Variants in RAPGEF4 observed in about 807,000 individuals in gnomAD.
RAPGEF4 encodes the protein Rap guanine nucleotide exchange factor 4.
In RAPGEF4, 66 loss-of-function variants were observed where a neutral mutation model predicts 147.9. The ratio of observed to expected loss-of-function variants is 0.45; its 90% CI spans 0.37 to 0.55. The LOEUF is 0.55. Ranked by LOEUF, RAPGEF4 falls within the 20% of genes least tolerant of loss-of-function variation. The probability of loss-of-function intolerance (pLI) is 0.00; values close to 1 mark genes in which losing one functional copy is unlikely to be tolerated. For synonymous variants in RAPGEF4, 419 were observed against 442.7 expected (o/e 0.95, Z 0.67); for missense variants, 1,071 against 1,257.3 (o/e 0.85, Z 2.24).
At chr2:172,897,947 G>A (rs1480619540) in intron 4 of RAPGEF4, among the ~76,000 whole-genome samples, 4 of 152,034 alleles carry the variant, frequency 2.6e-5, no homozygotes, top group Admixed American at 2.0e-4. Flanking sequence ...ACAAGGTTAG[G>A]GGTAAGAAGT....
chr2:172,893,951 G>A (rs942700365), intron 4 of RAPGEF4: 1 of 152,786 alleles, frequency 6.5e-6, no homozygotes, highest in Non-Finnish European at 1.5e-5. Flanking sequence ...TTAGATCCAA[G>A]CTAGCAGAAA....
intron 1 of RAPGEF4, among the ~76,000 whole-genome samples, chr2:172,762,750 C>T (rs527924599): frequency 5.9e-5 from 9 of 152,188 alleles, no homozygotes; most frequent in South Asian, 2.1e-4. Context: ...ATAGGAATCA[C>T]GTGGTGTAAC....
chr2:172,785,482 G>A (rs1025546209), intron 1 of RAPGEF4, among the ~76,000 whole-genome samples: 1 of 152,084 alleles, frequency 6.6e-6, no homozygotes, highest in Admixed American at 6.5e-5. Context: ...CATTATCTCA[G>A]ATTTGACAGT....
chr2:173,049,549 G>A (rs1685942237), intron 30 of RAPGEF4, among the ~76,000 whole-genome samples: 3 of 152,222 alleles, frequency 2.0e-5, no homozygotes, highest in South Asian at 2.1e-4. Flanking sequence ...AGACTATGAT[G>A]TTCTTGTTTT....
rs78011476 is a variant in RAPGEF4, at chr2:172,776,130, T to C, written c.66-18895T>C. 2.2e-3 allele frequency among the ~76,000 whole-genome samples: 336 copies of C among 152,326 alleles called. 3 individuals are homozygous for C. The highest frequency in any genetic ancestry group is 0.019 in the East Asian group (100 of 5,190). ...TTTATTTATTGGTTTAATATGTAAC[T>C]CCTCTTAGAACATAGATTTTTCTAA... On this transcript the variant is annotated intron_variant, in intron 1 of 30. Transcript: ENST00000397081.
chr2:173,017,303 G>A (rs1248193221), intron 20 of RAPGEF4, 99 bp downstream of exon 20: 1 of 1,495,594 alleles, frequency 6.7e-7, no homozygotes, highest in South Asian at 1.1e-5. Context: ...TTTCTTTTTT[G>A]TAGACGTGAA....
chr2:173,020,764 G>A, intron 23 of RAPGEF4, 49 bp downstream of exon 23: 2 of 1,458,198 alleles, frequency 1.4e-6, no homozygotes, highest in Non-Finnish European at 1.9e-6. Flanking sequence ...AGAAAAACTT[G>A]TCTGGAGCCT....
intron 1 of RAPGEF4, among the ~76,000 whole-genome samples, chr2:172,750,246 C>T (rs1433545357): frequency 6.6e-6 from 1 of 151,876 alleles, no homozygotes; most frequent in African/African-American, 2.4e-5. Context: ...GTTTATGCTG[C>T]TGATAAAGAC....
intron 6 of RAPGEF4, among the ~76,000 whole-genome samples, chr2:172,936,297 G>A (rs967678908): frequency 1.3e-5 from 2 of 152,236 alleles, no homozygotes; most frequent in East Asian, 1.9e-4. Context: ...AACCCGGGAG[G>A]CAGAGGTTGT....
chr2:172,850,655 A>C, intron 4 of RAPGEF4, among the ~76,000 whole-genome samples: 1 of 152,300 alleles, frequency 6.6e-6, no homozygotes, highest in South Asian at 2.1e-4. Context: ...TTAAAATGCA[A>C]GTAAATTTTA....
chr2:173,035,427 C>T (rs1044067018), intron 27 of RAPGEF4, among the ~76,000 whole-genome samples: 3 of 150,666 alleles, frequency 2.0e-5, no homozygotes, highest in Admixed American at 6.6e-5. Context: ...AGGAGAATGG[C>T]GTGAACTCGG....
rs536949295 is a variant in RAPGEF4, at chr2:172,806,693, A to G, written c.298-7586A>G. On this transcript the variant is annotated intron_variant, in intron 3 of 30. Transcript: ENST00000397081. ...ATGTTGTTCAGCCATTTCATGGATCAGAGAATCCGGGCTACACTTGGCCTT... is the reference window on the plus strand; with the variant it reads ...ATGTTGTTCAGCCATTTCATGGATCGGAGAATCCGGGCTACACTTGGCCTT... Among the ~76,000 whole-genome samples, 116 of 152,358 alleles carry G rather than the reference A, an allele frequency of 7.6e-4. 1 individual carries two copies. In the Middle Eastern group the frequency reaches 0.01, roughly 13 times the overall value.
At chr2:172,935,335 T>C (rs1686444798) in intron 6 of RAPGEF4, among the ~76,000 whole-genome samples, 1 of 151,950 alleles carries the variant, frequency 6.6e-6, no homozygotes, top group Admixed American at 6.6e-5. Flanking sequence ...TGAGGGAGCA[T>C]AGGGGAAGGA....
chr2:172,884,798 A>T (rs573994122), intron 4 of RAPGEF4, among the ~76,000 whole-genome samples: 1 of 152,354 alleles, frequency 6.6e-6, no homozygotes, highest in South Asian at 2.1e-4. Flanking sequence ...CATATGCAAC[A>T]TACTTCAGTT....
chr2:173,017,522 A>G lies in RAPGEF4; in HGVS notation c.2008+18A>G. ...TGATGAAGGTGAGAACCCTCTTCCA[A>G]CTAACTCGTAGTTGTATAGATTATT... is the stretch of plus-strand genomic sequence containing the variant. On this transcript the variant is annotated intron_variant, in intron 21 of 30. Coordinates refer to ENST00000397081, the MANE Select transcript of RAPGEF4 (RefSeq NM_007023.4). 1 of 1,597,054 alleles carries G rather than the reference A, an allele frequency of 6.3e-7. No homozygotes were observed. Among genetic ancestry groups the G allele is most frequent in the South Asian group, 1.1e-5 (1 of 90,726 alleles).
At chr2:172,935,863 A>C (rs1034515526) in intron 6 of RAPGEF4, among the ~76,000 whole-genome samples, 3 of 152,212 alleles carry the variant, frequency 2.0e-5, no homozygotes, top group African/African-American at 7.2e-5. Context: ...CTAGAATATT[A>C]CAGGAATTCT....
chr2:173,039,449 C>A (rs1443503501), intron 29 of RAPGEF4, among the ~76,000 whole-genome samples: 1 of 149,482 alleles, frequency 6.7e-6, no homozygotes, highest in Non-Finnish European at 1.5e-5. Context: ...TGGGAGACAG[C>A]GAGACTCTGT....
chr2:172,737,879 A>G (rs1260601481), intron 1 of RAPGEF4, among the ~76,000 whole-genome samples: 3 of 152,188 alleles, frequency 2.0e-5, no homozygotes, highest in Non-Finnish European at 2.9e-5. Context: ...ACTATCAGGG[A>G]TAAGTGGACA....
intron 3 of RAPGEF4, among the ~76,000 whole-genome samples, chr2:172,805,559 A>T (rs1429699032): frequency 1.3e-5 from 2 of 152,188 alleles, no homozygotes; most frequent in Non-Finnish European, 2.9e-5. Context: ...CCCAAGGAAA[A>T]GAGCACCAAG....
Sources: gnomAD v4.1 joint callset for allele counts (sites outside exome capture counted in the v4.1 genomes callset) on GRCh38, gnomAD v4.1.1 for gene constraint, MANE v1.5 for transcripts, NCBI Gene and HGNC (gene_info 2026-07-23, HGNC 2026-07-21) for gene names.